The following MGAT4C variants were observed in gnomAD, a reference collection of about 807,000 sequenced individuals.
MGAT4C encodes the protein alpha-1,3-mannosyl-glycoprotein 4-beta-N-acetylglucosaminyltransferase C.
MGAT4C carries 19 observed loss-of-function variants against 40.1 expected under a neutral mutation model. The ratio of observed to expected loss-of-function variants is 0.47; its 90% CI spans 0.33 to 0.70. MGAT4C has a LOEUF of 0.70. Among genes scored for constraint, MGAT4C ranks in the 30% least tolerant of loss-of-function variants. The probability of loss-of-function intolerance (pLI) is 0.02; values close to 1 mark genes in which losing one functional copy is unlikely to be tolerated. For missense variants in MGAT4C, 491 were observed against 563.2 expected (o/e 0.87, Z 1.30); for synonymous variants, 181 against 187.1 (o/e 0.97, Z 0.27).
chr12:86,284,526 GA>G (rs1454292481), intron 4 of MGAT4C, among the ~76,000 whole-genome samples: 1 of 151,848 alleles, frequency 6.6e-6, no homozygotes, highest in African/African-American at 2.4e-5. Context: ...TATCCCTGGT[GA>G]AAATATTTTA....
Position 85,969,563 on chromosome 12 carries a change from T to C in MGAT4C, c.*9726A>G, listed in dbSNP as rs899543400. On this transcript the variant is annotated 3_prime_UTR_variant, in exon 5 of 5. Coordinates refer to ENST00000611864, the MANE Select transcript of MGAT4C (RefSeq NM_001351288.2). ...GAAGCAAGTGTTTTAGATGTTCAAG[T>C]TTAAAAAATGAGAAAAAAATGTTTT... 2.6e-5 allele frequency: 4 copies of C among 151,618 alleles called. No individual in the cohort carries two copies. The highest frequency in any genetic ancestry group is 9.7e-5 in the African/African-American group (4 of 41,398). The allele number at this position is 151,618 out of a possible 1,614,324, so 9.4% of individuals were successfully genotyped here. A position where few individuals can be genotyped will look rare whatever the true frequency, so the allele number is the denominator to read the frequency against.
chr12:86,202,639 A>G (rs1950093485), intron 1 of MGAT4C, among the ~76,000 whole-genome samples: 1 of 151,962 alleles, frequency 6.6e-6, no homozygotes, highest in South Asian at 2.1e-4. Context: ...TTGCTATATT[A>G]CTTGATATTT....
chr12:86,499,792 C>T (rs1225348107), intron 2 of MGAT4C, among the ~76,000 whole-genome samples: 1 of 151,910 alleles, frequency 6.6e-6, no homozygotes, highest in East Asian at 1.9e-4. Context: ...AAATATCATA[C>T]ACTCTTGAAC....
chr12:86,586,220 G>A (rs1331712499), intron 2 of MGAT4C, among the ~76,000 whole-genome samples: 4 of 136,854 alleles, frequency 2.9e-5, no homozygotes, highest in Admixed American at 7.6e-5. Context: ...TTGTTCTTGC[G>A]ATAGTTTACT....
chr12:86,571,409 G>GTA (rs1045575252), intron 2 of MGAT4C, among the ~76,000 whole-genome samples: 4 of 151,700 alleles, frequency 2.6e-5, no homozygotes, highest in Admixed American at 1.3e-4. Context: ...ACATAAGTGT[G>GTA]TATATATATA....
At chr12:86,372,718 G>A (rs967869552) in intron 3 of MGAT4C, among the ~76,000 whole-genome samples, 2 of 151,762 alleles carry the variant, frequency 1.3e-5, no homozygotes, top group East Asian at 3.9e-4. Flanking sequence ...AACTTGCCAT[G>A]TATTTAATAC....
At chr12:86,702,558 C>T (rs768676423) in intron 2 of MGAT4C, among the ~76,000 whole-genome samples, 1 of 152,144 alleles carries the variant, frequency 6.6e-6, no homozygotes, top group Non-Finnish European at 1.5e-5. Flanking sequence ...AAAAATAATG[C>T]TAAATGTACT....
At chr12:86,019,386 A>G (rs1889419476) in intron 2 of MGAT4C, among the ~76,000 whole-genome samples, 1 of 152,156 alleles carries the variant, frequency 6.6e-6, no homozygotes, top group African/African-American at 2.4e-5. Flanking sequence ...TGTATGATAA[A>G]TGGCAATTCG....
At chr12:86,017,989 T>C (rs1291951078) in intron 2 of MGAT4C, among the ~76,000 whole-genome samples, 1 of 152,150 alleles carries the variant, frequency 6.6e-6, no homozygotes, top group African/African-American at 2.4e-5. Context: ...TGATATGAAA[T>C]GACAAGTGAA....
In MGAT4C at chr12:85,970,531, A is replaced by G. The variant is rs893769914; in HGVS notation, c.*8758T>C. Reference sequence around the variant, plus strand: ...TTATCCAGCTATAATTCTTCTAAACATGTCTTGTAATTTTTAAGTTTGCAT... The same window carrying G: ...TTATCCAGCTATAATTCTTCTAAACGTGTCTTGTAATTTTTAAGTTTGCAT... On this transcript the variant is annotated 3_prime_UTR_variant, in exon 5 of 5. Transcript: ENST00000611864. 4.0e-5 allele frequency: 6 copies of G among 151,284 alleles called. No individual in the cohort carries two copies. Among genetic ancestry groups the G allele is most frequent in the Non-Finnish European group, 7.4e-5 (5 of 67,376 alleles). 9.4% of individuals were successfully genotyped at this position (151,284 alleles called of 1,614,324 possible).
At chr12:86,359,432 C>T (rs925781588) in intron 3 of MGAT4C, among the ~76,000 whole-genome samples, 2 of 151,590 alleles carry the variant, frequency 1.3e-5, no homozygotes, top group African/African-American at 2.4e-5. Flanking sequence ...GAAGCAAGAG[C>T]AAACACATTC....
intron 1 of MGAT4C, among the ~76,000 whole-genome samples, chr12:86,253,439 C>T (rs1952386894): frequency 6.6e-6 from 1 of 151,910 alleles, no homozygotes; most frequent in African/African-American, 2.4e-5. Flanking sequence ...CATTTACTGA[C>T]TTACTGACTG....
At chr12:86,347,736 G>A (rs888047234) in intron 3 of MGAT4C, among the ~76,000 whole-genome samples, 2 of 152,084 alleles carry the variant, frequency 1.3e-5, no homozygotes, top group Non-Finnish European at 2.9e-5. Flanking sequence ...ATTTTACAAA[G>A]AGTCAGGAAA....
chr12:86,396,456 C>T (rs1371037213), intron 3 of MGAT4C, among the ~76,000 whole-genome samples: 1 of 152,156 alleles, frequency 6.6e-6, no homozygotes, highest in African/African-American at 2.4e-5. Context: ...CATCTCTAGG[C>T]AAAAAGACAC....
At chr12:86,406,029 T>C (rs980904861) in intron 3 of MGAT4C, among the ~76,000 whole-genome samples, 2 of 142,286 alleles carry the variant, frequency 1.4e-5, no homozygotes, top group African/African-American at 5.1e-5. Flanking sequence ...ATACATATTA[T>C]ATACAATTAT....
chr12:86,180,744 C>T (rs1888023498), intron 1 of MGAT4C, among the ~76,000 whole-genome samples: 1 of 152,138 alleles, frequency 6.6e-6, no homozygotes, highest in South Asian at 2.1e-4. Flanking sequence ...TACCTGTACC[C>T]CCATTGTATC....
At chr12:85,991,645 C>T (rs1259067758) in intron 2 of MGAT4C, among the ~76,000 whole-genome samples, 2 of 152,194 alleles carry the variant, frequency 1.3e-5, no homozygotes, top group Non-Finnish European at 2.9e-5. Flanking sequence ...GCTGGCATGT[C>T]AGCACTGCCC....
At chr12:86,206,194 C>T (rs1950245202) in intron 1 of MGAT4C, among the ~76,000 whole-genome samples, 1 of 152,034 alleles carries the variant, frequency 6.6e-6, no homozygotes, top group Admixed American at 6.6e-5. Flanking sequence ...CTGGCATCAA[C>T]CATTATAATT....
intron 4 of MGAT4C, among the ~76,000 whole-genome samples, chr12:86,261,444 G>A (rs1473515872): frequency 3.9e-5 from 6 of 151,962 alleles, no homozygotes; most frequent in East Asian, 1.9e-4. Context: ...TAACATAAAC[G>A]AAAGTTTACC....
Sources: gnomAD v4.1 joint callset for allele counts (sites outside exome capture counted in the v4.1 genomes callset) on GRCh38, gnomAD v4.1.1 for gene constraint, MANE v1.5 for transcripts, NCBI Gene and HGNC (gene_info 2026-07-23, HGNC 2026-07-21) for gene names.